The following IGSF21 variants were observed in gnomAD, a reference collection of about 807,000 sequenced individuals.
IGSF21 encodes the protein immunoglobulin superfamily member 21.
In IGSF21, 28 loss-of-function variants were observed where a neutral mutation model predicts 46.8. The observed-to-expected ratio is 0.60, with a 90% CI of 0.44 to 0.82. The LOEUF is 0.82. Ranked by LOEUF, IGSF21 falls within the 40% of genes least tolerant of loss-of-function variation. IGSF21 has a pLI of 0.00. For synonymous variants in IGSF21, 284 were observed against 273.6 expected (o/e 1.04, Z -0.38); for missense variants, 624 against 665.5 (o/e 0.94, Z 0.69).
intron 2 of IGSF21, among the ~76,000 whole-genome samples, chr1:18,237,967 G>A (rs753315386): frequency 2.6e-5 from 4 of 151,898 alleles, no homozygotes; most frequent in Non-Finnish European, 5.9e-5. Context: ...TTCTATGTGG[G>A]GGCCTCAGGG....
At chr1:18,158,311 T>C (rs774439893) in intron 1 of IGSF21, among the ~76,000 whole-genome samples, 19 of 152,162 alleles carry the variant, frequency 1.2e-4, no homozygotes, top group African/African-American at 4.6e-4. Context: ...CGGCATTAAT[T>C]AGTGTTGCTG....
At chr1:18,254,208 G>C (rs536965524) in intron 2 of IGSF21, among the ~76,000 whole-genome samples, 1 of 151,212 alleles carries the variant, frequency 6.6e-6, no homozygotes, top group Admixed American at 6.6e-5. Flanking sequence ...TTAACCCCAG[G>C]CTGAGAAGTG....
chr1:18,249,105 C>T (rs1196404971), intron 2 of IGSF21, among the ~76,000 whole-genome samples: 1 of 152,154 alleles, frequency 6.6e-6, no homozygotes, highest in Non-Finnish European at 1.5e-5. Flanking sequence ...GGATAGCAGC[C>T]AGAGAGGTGG....
Position 18,302,761 on chromosome 1 carries a change from C to T in IGSF21, c.305+10774C>T, listed in dbSNP as rs369499797. 2.4e-4 allele frequency among the ~76,000 whole-genome samples: 37 copies of T among 152,272 alleles called. 1 individual carries two copies. In the South Asian group the frequency reaches 7.5e-3, roughly 31 times the overall value. ...TGGAACTTCAAGGAGGCTCCCGTTT[C>T]CAATTTAGAAGGAGGGTCAGGGGTA... is the stretch of plus-strand genomic sequence containing the variant. On this transcript the variant is annotated intron_variant, in intron 3 of 9. Coordinates refer to ENST00000251296, the MANE Select transcript of IGSF21 (RefSeq NM_032880.5).
chr1:18,320,298 T>TG (rs1412109404), intron 3 of IGSF21, among the ~76,000 whole-genome samples: 2 of 152,050 alleles, frequency 1.3e-5, no homozygotes, highest in African/African-American at 4.8e-5. Context: ...CTGGGCACCC[T>TG]GGCCTGACCT....
intron 1 of IGSF21, among the ~76,000 whole-genome samples, chr1:18,117,899 G>T (rs2086201065): frequency 2.0e-5 from 3 of 152,212 alleles, no homozygotes; most frequent in African/African-American, 4.8e-5. Flanking sequence ...GTCCTTCTTT[G>T]TTGCATGCAC....
intron 4 of IGSF21, among the ~76,000 whole-genome samples, chr1:18,353,359 A>G (rs887523630): frequency 6.6e-6 from 1 of 151,844 alleles, no homozygotes; most frequent in Non-Finnish European, 1.5e-5. Context: ...ATTGGAGGGA[A>G]GGATGCCTGG....
intron 1 of IGSF21, among the ~76,000 whole-genome samples, chr1:18,152,266 C>T (rs2086527728): frequency 6.6e-6 from 1 of 152,190 alleles, no homozygotes; most frequent in South Asian, 2.1e-4. Flanking sequence ...TGTCCAAGGA[C>T]TCCAGAAGGT....
intron 1 of IGSF21, chr1:18,114,195 T>A (rs2086166595): frequency 6.6e-6 from 1 of 152,168 alleles, no homozygotes; most frequent in Non-Finnish European, 1.5e-5. Context: ...TTGAGGCCCA[T>A]TGAGTGCAGT....
chr1:18,365,095 AG>A lies in IGSF21; in HGVS notation c.541-125del. 1 of 694,988 alleles carries A rather than the reference AG, an allele frequency of 1.4e-6. No homozygotes were observed. Among genetic ancestry groups the A allele is most frequent in the South Asian group, 1.8e-5 (1 of 54,498 alleles). 43.1% of individuals were successfully genotyped at this position (694,988 alleles called of 1,614,324 possible). A position where few individuals can be genotyped will look rare whatever the true frequency, so the allele number is the denominator to read the frequency against. ...GTGTTGAAGGGAAAAGAGTGGGGTG[AG>A]GGCTACTGTCTAGACTACTATGCTC... On this transcript the variant is annotated intron_variant, in intron 5 of 9. Coordinates refer to ENST00000251296, the MANE Select transcript of IGSF21 (RefSeq NM_032880.5). The surrounding 1 kb of genome is among the most constrained non-coding windows in gnomAD (Gnocchi z 4.8).
intron 1 of IGSF21, among the ~76,000 whole-genome samples, chr1:18,223,806 C>T (rs549839551): frequency 1.1e-4 from 16 of 152,304 alleles, no homozygotes; most frequent in African/African-American, 3.4e-4. Flanking sequence ...AACTAAGTGA[C>T]ACATGCTCAG....
At chr1:18,292,355 G>A (rs1007404016) in intron 3 of IGSF21, among the ~76,000 whole-genome samples, 1 of 152,244 alleles carries the variant, frequency 6.6e-6, no homozygotes, top group African/African-American at 2.4e-5. Flanking sequence ...CGGTGAAGCA[G>A]TTCTGCCCGG....
chr1:18,244,577 G>A (rs543666784), intron 2 of IGSF21, among the ~76,000 whole-genome samples: 71 of 152,316 alleles, frequency 4.7e-4, no homozygotes, highest in Admixed American at 7.8e-4. Flanking sequence ...TTTCCAAACT[G>A]TGCCATACGT....
At chr1:18,303,694 A>G (rs2085383748) in intron 3 of IGSF21, among the ~76,000 whole-genome samples, 1 of 152,238 alleles carries the variant, frequency 6.6e-6, no homozygotes, top group African/African-American at 2.4e-5. Context: ...AACTGTAGAC[A>G]TCGGGAGACA....
At chr1:18,332,930 C>A (rs1184040315) in intron 3 of IGSF21, among the ~76,000 whole-genome samples, 1 of 152,014 alleles carries the variant, frequency 6.6e-6, no homozygotes. Context: ...GGAAAAGGAG[C>A]CAGAAGACGA....
chr1:18,188,502 G>A (rs2086925464), intron 1 of IGSF21, among the ~76,000 whole-genome samples: 2 of 152,150 alleles, frequency 1.3e-5, no homozygotes, highest in Non-Finnish European at 2.9e-5. Flanking sequence ...ATAAATATAT[G>A]GAGAGGAAGA....
intron 3 of IGSF21, among the ~76,000 whole-genome samples, chr1:18,305,344 T>C (rs1241638815): frequency 6.7e-6 from 1 of 148,904 alleles, no homozygotes; most frequent in African/African-American, 2.5e-5. Flanking sequence ...GATGGATGCA[T>C]GGATAGATGG....
chr1:18,152,585 A>T (rs917024043), intron 1 of IGSF21, among the ~76,000 whole-genome samples: 25 of 152,008 alleles, frequency 1.6e-4, no homozygotes, highest in African/African-American at 5.8e-4. Context: ...AGGCATCCGA[A>T]CCTTTGCAGG....
At chr1:18,200,922 C>A (rs953497546) in intron 1 of IGSF21, among the ~76,000 whole-genome samples, 11 of 152,184 alleles carry the variant, frequency 7.2e-5, no homozygotes, top group Non-Finnish European at 1.3e-4. Context: ...CACCTTTGCT[C>A]TTCTGCTGCG....
Sources: allele counts gnomAD v4.1 joint callset (sites outside exome capture counted in the v4.1 genomes callset), GRCh38; gene constraint gnomAD v4.1.1; non-coding constraint Gnocchi (gnomAD v3.1); transcripts MANE v1.5; gene names NCBI Gene and HGNC (gene_info 2026-07-23, HGNC 2026-07-21).